Variants in TECPR2 observed in about 807,000 individuals in gnomAD.
The protein encoded by TECPR2 is tectonin beta-propeller repeat containing 2, also known as tectonin beta-propeller repeat-containing protein 2.
TECPR2 carries 65 observed loss-of-function variants against 138.1 expected under a neutral mutation model. That is an observed-to-expected ratio of 0.47 (90% CI 0.39 to 0.58). TECPR2 has a LOEUF of 0.58. Ranked by LOEUF, TECPR2 falls within the 20% of genes least tolerant of loss-of-function variation. The pLI is 0.00. For synonymous variants in TECPR2, 746 were observed against 749.8 expected (o/e 0.99, Z 0.08); for missense variants, 1,553 against 1,824.5 (o/e 0.85, Z 2.71).
chr14:102,401,754 G>A lies in TECPR2; in HGVS notation c.220-5584G>A, dbSNP rs189026798. Among the ~76,000 whole-genome samples the A allele has an allele frequency of 8.7e-3, 1,096 of 126,506 alleles. 2 individuals carry two copies. The highest frequency in any genetic ancestry group is 0.011 in the Non-Finnish European group (723 of 64,334). 83.0% of individuals were successfully genotyped at this position (126,506 alleles called of 152,430 possible). ...CGGGAGGCAGAGCTTGCAGTGAGCC[G>A]AGATCGCACCACTGTACTCCAGCCT... On this transcript the variant is annotated intron_variant, in intron 2 of 19. Coordinates refer to ENST00000359520, the MANE Select transcript of TECPR2 (RefSeq NM_014844.5).
At position 102,433,521 on chromosome 14, in the gene TECPR2, TA is replaced by T. The variant is rs199671560; in HGVS notation, c.1418-713del. ...TTATTTATTTATTTATTTATTTATT[TA>T]TTTTTTAATTTATTGGAGACAGAGT... On this transcript the variant is annotated intron_variant, in intron 8 of 19. Transcript: ENST00000359520. 3.1e-3 allele frequency among the ~76,000 whole-genome samples: 464 copies of T among 151,512 alleles called. 3 individuals carry two copies. Among genetic ancestry groups the T allele is most frequent in the African/African-American group, 0.011 (440 of 41,432 alleles).
Position 102,435,199 on chromosome 14 carries a change from C to G in TECPR2, c.2382C>G (p.Leu794=), listed in dbSNP as rs369859838. 3 of 1,606,328 alleles carry G rather than the reference C, an allele frequency of 1.9e-6. No homozygotes were observed. The highest frequency in any genetic ancestry group is 2.6e-6 in the Non-Finnish European group (3 of 1,176,012). The change falls in exon 9 of 20, where the codon CTC becomes CTG. Residue 794 remains leucine, a synonymous_variant. Transcript: ENST00000359520. ...SRLGAEDAGL[L]KPDQFAESWM... is the part of the protein sequence containing the mutation. ...TGGGTGCAGAGGACGCCGGGCTGCT[C>G]AAGCCAGATCAGGTATGTGGGTTCG...
intron 16 of TECPR2, among the ~76,000 whole-genome samples, chr14:102,458,843 C>T (rs72700623): frequency 1.1e-4 from 17 of 151,654 alleles, no homozygotes; most frequent in Non-Finnish European, 1.3e-4. Flanking sequence ...AGCACGGTGG[C>T]GCACACCTGT....
chr14:102,427,764 G>A (rs1212655393), intron 6 of TECPR2, among the ~76,000 whole-genome samples: 7 of 152,336 alleles, frequency 4.6e-5, no homozygotes, highest in African/African-American at 9.6e-5. Context: ...GGAGTGGGGC[G>A]TCAAGCGGAA....
At chr14:102,465,439 T>C (rs541779401) in intron 17 of TECPR2, 150 bp downstream of exon 17, 1 of 1,415,050 alleles carries the variant, frequency 7.1e-7, no homozygotes, top group East Asian at 2.5e-5. Flanking sequence ...CTCTCGTTCA[T>C]CAACATCACA....
At chr14:102,408,382 C>T (rs1888722304) in intron 3 of TECPR2, 106 bp from the exon 4 acceptor site, 1 of 1,292,128 alleles carries the variant, frequency 7.7e-7, no homozygotes, top group Non-Finnish European at 1.0e-6. Flanking sequence ...TTGGGAAAAC[C>T]AGCTCTTCCC....
intron 13 of TECPR2, among the ~76,000 whole-genome samples, chr14:102,447,110 G>C (rs965876771): frequency 3.3e-5 from 5 of 152,190 alleles, no homozygotes; most frequent in Non-Finnish European, 7.3e-5. Context: ...CACTGTGTGT[G>C]ATTTGGTCCC....
At chr14:102,429,019 G>A (rs1889399668) in intron 7 of TECPR2, among the ~76,000 whole-genome samples, 1 of 152,050 alleles carries the variant, frequency 6.6e-6, no homozygotes, top group South Asian at 2.1e-4. Context: ...GGCTAATTTT[G>A]TATTTTTAGT....
chr14:102,375,445 G>A (rs972128881), intron 1 of TECPR2, among the ~76,000 whole-genome samples: 4 of 152,148 alleles, frequency 2.6e-5, no homozygotes, highest in African/African-American at 9.7e-5. Context: ...ACGGCCTCAT[G>A]AAAGAGGGCA....
chr14:102,434,115 A>G, intron 8 of TECPR2, 120 bp from the exon 9 acceptor site: 1 of 908,314 alleles, frequency 1.1e-6, no homozygotes, highest in Non-Finnish European at 1.5e-6. Flanking sequence ...TTTATTCTTC[A>G]TTCACCAAAT....
chr14:102,428,258 T>C lies in TECPR2; in HGVS notation c.960T>C (p.Val320=), dbSNP rs2139721330. 1.4e-6 allele frequency: 2 copies of C among 1,463,490 alleles called. No individual in the cohort carries two copies. The highest frequency in any genetic ancestry group is 1.8e-6 in the Non-Finnish European group (2 of 1,082,864). 90.7% of individuals were successfully genotyped at this position (1,463,490 alleles called of 1,614,324 possible). A position where few individuals can be genotyped will look rare whatever the true frequency, so the allele number is the denominator to read the frequency against. The change falls in exon 7 of 20, where the codon GTT becomes GTC. Residue 320 remains valine, a synonymous_variant. Coordinates refer to ENST00000359520, the MANE Select transcript of TECPR2 (RefSeq NM_014844.5). The stretch of plus-strand genomic sequence containing the variant: ...TTTTTTTTTTTTGACAGGCCACAGT[T>C]GCTGGTTTGGAAGGATCCGGTGATA... The part of the protein sequence containing the change: ...YLLDTVNQAT[V]AGLEGSGDIV...
chr14:102,408,462 T>C, intron 3 of TECPR2, 26 bp from the exon 4 acceptor site: 1 of 1,582,910 alleles, frequency 6.3e-7, no homozygotes, highest in Non-Finnish European at 8.5e-7. Flanking sequence ...TTTTTTCTTG[T>C]GTATATTTTT....
rs142900661 is a variant in TECPR2 at position 102,417,474 on chromosome 14, G to T, written c.638+2681G>T. ...GAGGCTGTCAGTGCTGTAAAGGAGCGGGCTAGGTGAAGCATTAGGGAGTGC... is the reference window on the plus strand; with the variant it reads ...GAGGCTGTCAGTGCTGTAAAGGAGCTGGCTAGGTGAAGCATTAGGGAGTGC... On this transcript the variant is annotated intron_variant, in intron 5 of 19. Coordinates refer to ENST00000359520, the MANE Select transcript of TECPR2 (RefSeq NM_014844.5). Among the ~76,000 whole-genome samples the T allele has an allele frequency of 7.0e-3, 1,065 of 152,308 alleles. 15 individuals are homozygous for T. The highest frequency in any genetic ancestry group is 0.024 in the African/African-American group (1,000 of 41,564).
chr14:102,445,343 A>G (rs1347540027), intron 12 of TECPR2, among the ~76,000 whole-genome samples: 2 of 151,998 alleles, frequency 1.3e-5, no homozygotes, highest in African/African-American at 4.8e-5. Flanking sequence ...GAGGGAGTAG[A>G]GAGATGGAGG....
At chr14:102,488,448 T>C (rs1891085997) in intron 17 of TECPR2, among the ~76,000 whole-genome samples, 1 of 151,896 alleles carries the variant, frequency 6.6e-6, no homozygotes, top group African/African-American at 2.4e-5. Context: ...CAAGCAATTC[T>C]TCTGCCTCAG....
intron 1 of TECPR2, among the ~76,000 whole-genome samples, chr14:102,374,848 C>CGA (rs927031649): frequency 1.3e-5 from 2 of 152,158 alleles, no homozygotes; most frequent in Non-Finnish European, 2.9e-5. Flanking sequence ...TCTGTTTCAT[C>CGA]ATTCATTCAT....
At chr14:102,395,985 T>G (rs887764407) in intron 2 of TECPR2, among the ~76,000 whole-genome samples, 3 of 152,164 alleles carry the variant, frequency 2.0e-5, no homozygotes, top group Non-Finnish European at 2.9e-5. Context: ...CTTCATGAAT[T>G]GTCCCTGTTG....
rs181241371 is a variant in TECPR2 at position 102,437,395 on chromosome 14, A to C, written c.2395-627A>C. Among the ~76,000 whole-genome samples the C allele has an allele frequency of 4.7e-3, 712 of 152,266 alleles. 4 individuals carry two copies. Among genetic ancestry groups the C allele is most frequent in the African/African-American group, 0.017 (686 of 41,546 alleles). On this transcript the variant is annotated intron_variant, in intron 9 of 19. Coordinates refer to ENST00000359520, the MANE Select transcript of TECPR2 (RefSeq NM_014844.5). ...AACCCCGTCTCTACTAAAAATACAAAAAATAGCCGGGTGTGGTGGCAGATG... is the reference window on the plus strand; with the variant it reads ...AACCCCGTCTCTACTAAAAATACAACAAATAGCCGGGTGTGGTGGCAGATG...
intron 1 of TECPR2, among the ~76,000 whole-genome samples, chr14:102,373,521 C>T (rs939932139): frequency 1.3e-5 from 2 of 152,132 alleles, no homozygotes; most frequent in Non-Finnish European, 1.5e-5. Context: ...CTAAGATGTT[C>T]GGCAGGTTAG....
Sources: allele counts gnomAD v4.1 joint callset (sites outside exome capture counted in the v4.1 genomes callset), GRCh38; gene constraint gnomAD v4.1.1; transcripts MANE v1.5; gene names NCBI Gene and HGNC (gene_info 2026-07-23, HGNC 2026-07-21).